ZBTB20: variants seen among roughly 807,000 people sequenced by gnomAD.
ZBTB20 encodes zinc finger and BTB domain-containing protein 20.
ZBTB20 carries 9 observed loss-of-function variants against 56.9 expected under a neutral mutation model. The observed-to-expected ratio is 0.16, with a 90% CI of 0.10 to 0.28. The LOEUF is 0.28. Ranked by LOEUF, ZBTB20 falls within the 10% of genes least tolerant of loss-of-function variation. The pLI is 1.00. For synonymous variants in ZBTB20, 417 were observed against 420.7 expected (o/e 0.99, Z 0.11); for missense variants, 655 against 1,003.0 (o/e 0.65, Z 4.69).
chr3:115,120,761 C>CCAGT (rs2084162757), intron 1 of ZBTB20, among the ~76,000 whole-genome samples: 1 of 152,024 alleles, frequency 6.6e-6, no homozygotes, highest in Non-Finnish European at 1.5e-5. Context: ...GCCTCTCAAT[C>CCAGT]CAGTGTTCTT....
intron 5 of ZBTB20, among the ~76,000 whole-genome samples, chr3:114,738,376 T>C (rs2066336363): frequency 6.6e-6 from 1 of 152,098 alleles, no homozygotes; most frequent in Non-Finnish European, 1.5e-5. Flanking sequence ...CTCTGACAAC[T>C]TTTATTTTTA....
At chr3:114,476,482 T>G (rs1472738155) in intron 7 of ZBTB20, among the ~76,000 whole-genome samples, 3 of 152,190 alleles carry the variant, frequency 2.0e-5, no homozygotes, top group Admixed American at 6.5e-5. Flanking sequence ...TTTCTCACAG[T>G]TCTGGAGGTT....
chr3:114,892,279 T>C (rs1018230863), intron 4 of ZBTB20, among the ~76,000 whole-genome samples: 2 of 152,214 alleles, frequency 1.3e-5, no homozygotes, highest in African/African-American at 4.8e-5. Context: ...CAGTTTGTTA[T>C]ACATTAACTG....
At chr3:114,838,123 C>T (rs1281916077) in intron 4 of ZBTB20, among the ~76,000 whole-genome samples, 2 of 152,092 alleles carry the variant, frequency 1.3e-5, no homozygotes, top group African/African-American at 2.4e-5. Flanking sequence ...ACCATACTGT[C>T]GGAGACCTAA....
At chr3:114,363,906 T>A (rs189740921) in intron 10 of ZBTB20, among the ~76,000 whole-genome samples, 21 of 152,334 alleles carry the variant, frequency 1.4e-4, no homozygotes, top group African/African-American at 5.1e-4. Context: ...TTTATACTTA[T>A]ATACATCGCT....
At chr3:114,509,606 ATTC>A (rs1191929542) in intron 6 of ZBTB20, among the ~76,000 whole-genome samples, 3 of 152,166 alleles carry the variant, frequency 2.0e-5, no homozygotes, top group Admixed American at 6.6e-5. Context: ...ACACACACAT[ATTC>A]TTCTTCTCAA....
intron 6 of ZBTB20, among the ~76,000 whole-genome samples, chr3:114,679,220 T>C (rs1223805516): frequency 1.3e-5 from 2 of 152,148 alleles, no homozygotes; most frequent in African/African-American, 2.4e-5. Flanking sequence ...GACACAGGCA[T>C]GGGCAAAGAC....
chr3:114,487,193 G>A (rs1005448703), intron 7 of ZBTB20, among the ~76,000 whole-genome samples: 2 of 152,174 alleles, frequency 1.3e-5, no homozygotes, highest in South Asian at 2.1e-4. Context: ...CTTTCTAGGA[G>A]CATCATTAAG....
intron 6 of ZBTB20, among the ~76,000 whole-genome samples, chr3:114,540,047 A>C (rs1410382667): frequency 1.3e-5 from 2 of 151,478 alleles, no homozygotes; most frequent in African/African-American, 4.9e-5. Context: ...ATTTTTCCTG[A>C]TTCTCTCCCT....
chr3:114,729,956 A>ATTTTTTTT (rs1229757252), intron 5 of ZBTB20, among the ~76,000 whole-genome samples: 1 of 119,450 alleles, frequency 8.4e-6, no homozygotes, highest in African/African-American at 3.3e-5. Flanking sequence ...CATCCGGCTA[A>ATTTTTTTT]TTTTTTTTTT....
chr3:114,382,063 C>A (rs1018800875), intron 8 of ZBTB20, among the ~76,000 whole-genome samples: 1 of 152,170 alleles, frequency 6.6e-6, no homozygotes, highest in Non-Finnish European at 1.5e-5. Context: ...TTATTAAAAC[C>A]AATGCTTTCT....
chr3:114,584,209 A>C (rs1489651622), intron 6 of ZBTB20, among the ~76,000 whole-genome samples: 3 of 152,308 alleles, frequency 2.0e-5, no homozygotes, highest in Non-Finnish European at 2.9e-5. Flanking sequence ...TATCCATCTG[A>C]ATAGGAAGAA....
chr3:114,620,285 TTTTTC>T (rs374515720), intron 6 of ZBTB20, among the ~76,000 whole-genome samples: 105 of 152,218 alleles, frequency 6.9e-4, no homozygotes, highest in African/African-American at 2.1e-3. Context: ...TGGACATGTT[TTTTTC>T]TTTTCTTTTC....
intron 6 of ZBTB20, among the ~76,000 whole-genome samples, chr3:114,618,231 T>A (rs1397452686): frequency 7.6e-6 from 1 of 131,794 alleles, no homozygotes; most frequent in Admixed American, 9.3e-5. Context: ...TCAAAAATGT[T>A]TCTTTCCTTT....
chr3:114,922,387 A>T (rs1005353592), intron 3 of ZBTB20, among the ~76,000 whole-genome samples: 1 of 152,168 alleles, frequency 6.6e-6, no homozygotes, highest in Non-Finnish European at 1.5e-5. Flanking sequence ...CTGTTTATAG[A>T]TGACATAATC....
intron 6 of ZBTB20, among the ~76,000 whole-genome samples, chr3:114,517,058 C>G (rs576914852): frequency 6.6e-6 from 1 of 152,294 alleles, no homozygotes; most frequent in East Asian, 1.9e-4. Flanking sequence ...CTACTATGTG[C>G]TAGGAACTGC....
At chr3:115,023,001 C>T (rs759960214) in intron 2 of ZBTB20, among the ~76,000 whole-genome samples, 53 of 150,904 alleles carry the variant, frequency 3.5e-4, no homozygotes, top group Admixed American at 1.3e-3. Context: ...ATGAGACCAG[C>T]CCTGACTCAT....
At chr3:114,439,719 T>C (rs1202162895) in intron 7 of ZBTB20, among the ~76,000 whole-genome samples, 1 of 152,188 alleles carries the variant, frequency 6.6e-6, no homozygotes, top group Non-Finnish European at 1.5e-5. Flanking sequence ...GGCAGATGCC[T>C]AGGATGTCTG....
At chr3:115,090,759 T>C (rs1249610833) in intron 1 of ZBTB20, among the ~76,000 whole-genome samples, 1 of 151,890 alleles carries the variant, frequency 6.6e-6, no homozygotes, top group African/African-American at 2.4e-5. Context: ...ACAATAACCT[T>C]GTGAGGTAGA....
Sources: allele counts gnomAD v4.1 joint callset (sites outside exome capture counted in the v4.1 genomes callset), GRCh38; gene constraint gnomAD v4.1.1; transcripts MANE v1.5; gene names NCBI Gene and HGNC (gene_info 2026-07-23, HGNC 2026-07-21).